Variants in DNAH10 observed in about 807,000 individuals in gnomAD.
DNAH10 encodes the protein dynein axonemal heavy chain 10, also known as axonemal beta dynein heavy chain 10.
DNAH10 carries 348 observed loss-of-function variants against 506.6 expected under a neutral mutation model. The ratio of observed to expected loss-of-function variants is 0.69; its 90% confidence interval spans 0.63 to 0.75. The LOEUF is 0.75. DNAH10 is among the 30% of genes least tolerant of loss of function. The pLI is 0.00. For synonymous variants in DNAH10, 2,059 were observed against 2,198.6 expected, an observed-to-expected ratio of 0.94 and a Z score of 1.78; for missense variants, 5,179 against 5,787.1, an observed-to-expected ratio of 0.89 and a Z score of 3.41.
In DNAH10 at chr12:123,846,011, C is replaced by A; in HGVS notation, c.5671C>A (p.Arg1891=). 1 of 1,613,960 alleles carries A rather than the reference C, an allele frequency of 6.2e-7. No homozygotes were observed. The highest frequency in any genetic ancestry group is 8.5e-7 in the Non-Finnish European group (1 of 1,179,884). ...AGAGTTTGACTGGGAAAGTCAGTTG[C>A]GGTTTTATTGGGACCGGGAGCCGGA... ...AREFDWESQL[R]FYWDREPDEL... is the part of the protein sequence containing the mutation. The change falls in exon 32 of 79, where the codon CGG becomes AGG. Residue 1891 remains arginine, a synonymous_variant. Coordinates refer to ENST00000673944, the MANE Select transcript of DNAH10 (RefSeq NM_001372106.1). This position sits in a 1 kb window ranked among gnomAD's most constrained non-coding sequence, Gnocchi z 4.5.
chr12:123,917,562 G>A lies in DNAH10; in HGVS notation c.11003-22G>A, dbSNP rs1290576966. The A allele has an allele frequency of 6.5e-7, 1 of 1,548,226 alleles. No homozygotes were observed. Among genetic ancestry groups the A allele is most frequent in the African/African-American group, 1.4e-5 (1 of 73,094 alleles). On this transcript the variant is annotated intron_variant, in intron 63 of 78. Transcript: ENST00000673944. The surrounding 1 kb of genome is among the most constrained non-coding windows in gnomAD (Gnocchi z 5.6). Reference sequence around the variant, plus strand: ...GTTGTTGGGGGCCGCAGGTGGTGAGGGCCTCTCACTGTCCCCCACAGTCAC... The same window carrying A: ...GTTGTTGGGGGCCGCAGGTGGTGAGAGCCTCTCACTGTCCCCCACAGTCAC...
At chr12:123,854,543 G>A (rs1404137136) in intron 36 of DNAH10, among the ~76,000 whole-genome samples, 1 of 152,156 alleles carries the variant, frequency 6.6e-6, no homozygotes, top group Non-Finnish European at 1.5e-5. Flanking sequence ...TTAGAAGAAT[G>A]AAAACACATT....
In DNAH10 at chr12:123,929,719, C is replaced by G; in HGVS notation, c.12572C>G (p.Pro4191Arg). The G allele has an allele frequency of 6.2e-7, 1 of 1,613,528 alleles. No individual in the cohort carries two copies. Among genetic ancestry groups the G allele is most frequent in the Non-Finnish European group, 8.5e-7 (1 of 1,179,756 alleles). Residue 4191 changes from proline (P) to arginine (R), a missense_variant, in exon 72 of 79, where the codon CCA becomes CGA. Transcript: ENST00000673944. The stretch of plus-strand genomic sequence containing the variant: ...ACGAAAGCCTTCCAGCAACGGGACC[C>G]AAGGATCCCGTGGGGCAGCCTCAAG... ...YLTKAFQQRD[P>R]RIPWGSLKYL...
intron 48 of DNAH10, among the ~76,000 whole-genome samples, chr12:123,878,884 G>A (rs958650634): frequency 3.3e-5 from 5 of 152,118 alleles, no homozygotes; most frequent in Admixed American, 6.5e-5. Context: ...GTAACAAAGC[G>A]AGACCCCACC....
At position 123,853,126 on chromosome 12, in the gene DNAH10, C is replaced by G; in HGVS notation, c.6292-80C>G. ...TGGAACACCTGCCCCCGTTTTCTTG[C>G]ATTTGTAGAATGATGCTCCATTGCT... On this transcript the variant is annotated intron_variant, in intron 35 of 78. Transcript: ENST00000673944. The surrounding 1 kb of genome is among the most constrained non-coding windows in gnomAD (Gnocchi z 4.7). 2 of 1,374,822 alleles carry G rather than the reference C, an allele frequency of 1.5e-6. No homozygotes were observed. The highest frequency in any genetic ancestry group is 1.9e-6 in the Non-Finnish European group (2 of 1,047,380). 85.2% of individuals were successfully genotyped at this position (1,374,822 alleles called of 1,614,324 possible).
chr12:123,902,994 C>A lies in DNAH10; in HGVS notation c.9696C>A (p.Asn3232Lys). Residue 3232 changes from asparagine (N) to lysine (K), a missense_variant, in exon 57 of 79, where the codon AAC (asparagine) becomes AAA (lysine). Transcript: ENST00000673944. The surrounding 1 kb of genome is among the most constrained non-coding windows in gnomAD (Gnocchi z 4.5). ...AGGCCATGGAGATAGAGGAGCAGAA[C>A]AAAGTCATTGCCATGGAGAAGGCCG... is the stretch of plus-strand genomic sequence containing the variant. Reference protein sequence around the residue: ...EEKAMEIEEQNKVIAMEKAEA... With the variant: ...EEKAMEIEEQKKVIAMEKAEA... 4 of 1,597,878 alleles carry A rather than the reference C, an allele frequency of 2.5e-6. No homozygotes were observed. The highest frequency in any genetic ancestry group is 2.6e-6 in the Non-Finnish European group (3 of 1,172,470).
In DNAH10 at chr12:123,803,665, C is replaced by A. The variant is rs80041527; in HGVS notation, c.2619C>A (p.Ile873=). 1.3e-6 allele frequency: 2 copies of A among 1,564,810 alleles called. No homozygotes were observed. The highest frequency in any genetic ancestry group is 2.8e-5 in the African/African-American group (2 of 71,590). Residue 873 remains isoleucine, a synonymous_variant, in exon 17 of 79, where the codon ATC becomes ATA. Coordinates refer to ENST00000673944, the MANE Select transcript of DNAH10 (RefSeq NM_001372106.1). ...YKRLNWNSLG[I]GDYITGCKQA... The stretch of plus-strand genomic sequence containing the variant: ...TCTTTCTTTCTTTCTTCAAAGGTAT[C>A]GGTGACTATATAACTGGTTGCAAAC...
intron 54 of DNAH10, among the ~76,000 whole-genome samples, chr12:123,896,913 C>A (rs943561418): frequency 6.6e-6 from 1 of 152,144 alleles, no homozygotes; most frequent in Non-Finnish European, 1.5e-5. Context: ...TAATCACATT[C>A]GTAATGTTGT....
Position 123,898,909 on chromosome 12 carries a change from G to C in DNAH10, c.9640+95G>C, listed in dbSNP as rs1484052992. On this transcript the variant is annotated intron_variant, in intron 56 of 78. Coordinates refer to ENST00000673944, the MANE Select transcript of DNAH10 (RefSeq NM_001372106.1). ...GGCCAGGGCAGCCCATCCCGAGCAG[G>C]ACAGGGCTCTGCCAGGCCGTCCCTG... The C allele has an allele frequency of 4.2e-6, 6 of 1,444,136 alleles. No individual in the cohort carries two copies. The South Asian group carries it at 7.6e-5, about 18-fold the overall frequency. The allele number at this position is 1,444,136 out of a possible 1,614,324, so 89.5% of individuals were successfully genotyped here.
rs1038583242 is a variant in DNAH10 at position 123,932,145 on chromosome 12, A to G, written c.13296+37A>G. On this transcript the variant is annotated intron_variant, in intron 76 of 78. Transcript: ENST00000673944. Reference sequence around the variant, plus strand: ...GTCACCGCCTCCTCTCTGCCGATTCAGGTGTCAGCCTAGACTCCTCAAACC... The same window carrying G: ...GTCACCGCCTCCTCTCTGCCGATTCGGGTGTCAGCCTAGACTCCTCAAACC... 4.3e-6 allele frequency: 7 copies of G among 1,611,368 alleles called. No homozygotes were observed. In the African/African-American group the frequency reaches 9.4e-5, roughly 22 times the overall value.
intron 5 of DNAH10, among the ~76,000 whole-genome samples, chr12:123,778,247 A>C (rs937597211): frequency 9.2e-5 from 14 of 151,752 alleles, no homozygotes; most frequent in Admixed American, 4.6e-4. Flanking sequence ...TCAAAACATG[A>C]TGTATAATTA....
At chr12:123,934,367 G>A in intron 77 of DNAH10, 2 of 658,510 alleles carry the variant, frequency 3.0e-6, no homozygotes, top group Non-Finnish European at 5.5e-6. Context: ...GGATTCCTGG[G>A]GGAGAGGCCA....
chr12:123,789,728 G>T (rs867102161), intron 10 of DNAH10, among the ~76,000 whole-genome samples, 199 bp from the exon 11 acceptor site: 35 of 152,104 alleles, frequency 2.3e-4, no homozygotes, highest in Non-Finnish European at 4.1e-4. Flanking sequence ...CTGCAATGTG[G>T]GGAGGAACAG....
intron 26 of DNAH10, among the ~76,000 whole-genome samples, chr12:123,831,207 A>G (rs1319560666): frequency 6.6e-6 from 1 of 152,168 alleles, no homozygotes; most frequent in Non-Finnish European, 1.5e-5. Flanking sequence ...CTACCTGAAA[A>G]TAATTATTAA....
At chr12:123,797,521 T>C (rs1439017804) in intron 13 of DNAH10, among the ~76,000 whole-genome samples, 1 of 151,800 alleles carries the variant, frequency 6.6e-6, no homozygotes, top group African/African-American at 2.4e-5. Flanking sequence ...GCCTCCCGAG[T>C]AGCGGGGCCT....
chr12:123,762,369 C>T lies in DNAH10; in HGVS notation c.33C>T (p.Asp11=), dbSNP rs1046962190. MDDLRVLWMR[D]RVYAAFGITD... is the part of the protein sequence containing the mutation. ...ACCTGCGGGTGCTGTGGATGCGCGA[C>T]CGCGTGTATGCGGCTTTCGGCATCA... Residue 11 remains aspartate (D), a synonymous_variant, in exon 1 of 79, where the codon GAC becomes GAT. Transcript: ENST00000673944. The surrounding 1 kb of genome is among the most constrained non-coding windows in gnomAD (Gnocchi z 5.0). 2 of 1,366,434 alleles carry T rather than the reference C, an allele frequency of 1.5e-6. No individual in the cohort carries two copies. The highest frequency in any genetic ancestry group is 9.5e-7 in the Non-Finnish European group (1 of 1,056,496). The allele number at this position is 1,366,434 out of a possible 1,614,324, so 84.6% of individuals were successfully genotyped here.
At position 123,931,655 on chromosome 12, in the gene DNAH10, CAGCCGCGA is replaced by C; in HGVS notation, c.12937_12944del (p.Ser4313Ter). 1.9e-6 allele frequency: 3 copies of C among 1,613,982 alleles called. No individual in the cohort carries two copies. In the South Asian group the frequency reaches 3.3e-5, roughly 18 times the overall value. On this transcript the variant is annotated frameshift_variant, in exon 75 of 79. Transcript: ENST00000673944. LOFTEE classifies it high-confidence loss of function. The stretch of plus-strand genomic sequence containing the variant: ...TTTTAGGGGAATCCAGCAGTGGTAT[CAGCCGCGA>C]TGATTATATTGGCCAAGTGGCCAAA...
intron 56 of DNAH10, among the ~76,000 whole-genome samples, chr12:123,899,590 C>G (rs1161195073): frequency 6.6e-6 from 1 of 152,228 alleles, no homozygotes; most frequent in African/African-American, 2.4e-5. Context: ...CAAACTGCCT[C>G]TCCCCGACTC....
chr12:123,772,053 T>C, intron 3 of DNAH10, among the ~76,000 whole-genome samples: 1 of 152,046 alleles, frequency 6.6e-6, no homozygotes, highest in Non-Finnish European at 1.5e-5. Flanking sequence ...TAGCTATGAG[T>C]GACAACATGC....
Sources: gnomAD v4.1 joint callset for allele counts (sites outside exome capture counted in the v4.1 genomes callset) on GRCh38, gnomAD v4.1.1 for gene constraint, Gnocchi (gnomAD v3.1) non-coding constraint, MANE v1.5 for transcripts, NCBI Gene and HGNC (gene_info 2026-07-23, HGNC 2026-07-21) for gene names.